TACC2: variants seen among roughly 807,000 people sequenced by gnomAD.
TACC2 encodes transforming acidic coiled-coil containing protein 2.
A neutral mutation model predicts 227.3 loss-of-function variants in TACC2; 137 were observed. That is an observed-to-expected ratio of 0.60 (90% CI 0.52 to 0.69). TACC2 has a LOEUF of 0.69. TACC2 is among the 30% of genes least tolerant of loss of function. The pLI is 0.00. For synonymous variants in TACC2, 1,523 were observed against 1,487.5 expected (o/e 1.02, Z -0.55); for missense variants, 3,470 against 3,694.4 (o/e 0.94, Z 1.57).
chr10:122,111,514 C>T (rs770480129), intron 5 of TACC2, among the ~76,000 whole-genome samples: 4 of 152,094 alleles, frequency 2.6e-5, no homozygotes, highest in East Asian at 1.9e-4. Flanking sequence ...TTGTTTGAGA[C>T]GGAGTCTCGC....
At chr10:122,022,984 C>T (rs187213060) in intron 2 of TACC2, 8 of 152,272 alleles carry the variant, frequency 5.3e-5, no homozygotes, top group African/African-American at 9.6e-5. Flanking sequence ...GTTCCTTGAA[C>T]GAGAAAACTG....
chr10:122,087,016 G>A lies in TACC2; in HGVS notation c.4516G>A (p.Glu1506Lys). The change falls in exon 4 of 23, where the codon GAG (glutamate) becomes AAG (lysine). Residue 1506 changes from glutamate (E) to lysine (K), a missense_variant. Glu to Lys is a moderately conservative substitution (Grantham distance 56, BLOSUM62 1). Transcript: ENST00000369005. The stretch of plus-strand genomic sequence containing the variant: ...TCTGGGTCCAGCAGGGCTGACCTGG[G>A]AGCGGAACTTGCCAGGTGCCGGTGT... ...KLLGPAGLTW[E>K]RNLPGAGVGK... 6.2e-7 allele frequency: 1 copy of A among 1,613,930 alleles called. No homozygotes were observed. Among genetic ancestry groups the A allele is most frequent in the East Asian group, 2.2e-5 (1 of 44,868 alleles).
At chr10:122,136,543 GTGTATATATA>G (rs1247256053) in intron 6 of TACC2, among the ~76,000 whole-genome samples, 2 of 143,272 alleles carry the variant, frequency 1.4e-5, no homozygotes, top group African/African-American at 2.6e-5. Context: ...TTGTGTGTGT[GTGTATATATA>G]TATATATATA....
intron 7 of TACC2, among the ~76,000 whole-genome samples, chr10:122,186,053 C>T (rs140587614): frequency 0.026 from 3,947 of 152,068 alleles, 172 homozygotes; most frequent in African/African-American, 0.091. Flanking sequence ...CTCAGCCTCC[C>T]GAGTAGCTGG....
At position 122,141,658 on chromosome 10, in the gene TACC2, G is replaced by A. The variant is rs1266231742; in HGVS notation, c.5700-1914G>A. On this transcript the variant is annotated intron_variant, in intron 6 of 22. Transcript: ENST00000369005. This position sits in a 1 kb window ranked among gnomAD's most constrained non-coding sequence, Gnocchi z 4.3. The stretch of plus-strand genomic sequence containing the variant: ...GCTGGCTTTGTTGTGATTAGCAGCG[G>A]GCCACAGATCTAAGGTAGCATCTCC... Among the ~76,000 whole-genome samples the A allele has an allele frequency of 6.6e-6, 1 of 152,086 alleles. No individual in the cohort carries two copies. Among genetic ancestry groups the A allele is most frequent in the East Asian group, 1.9e-4 (1 of 5,188 alleles).
intron 8 of TACC2, among the ~76,000 whole-genome samples, chr10:122,197,497 C>T (rs2094612361): frequency 6.6e-6 from 1 of 152,212 alleles, no homozygotes; most frequent in Non-Finnish European, 1.5e-5. Context: ...AGAGAACAAT[C>T]TCCATTCTTA....
At chr10:122,198,751 C>T (rs1286714219) in intron 8 of TACC2, among the ~76,000 whole-genome samples, 3 of 152,218 alleles carry the variant, frequency 2.0e-5, no homozygotes, top group Non-Finnish European at 2.9e-5. Context: ...CTGCTCTCTG[C>T]GCAGGTACAG....
intron 11 of TACC2, among the ~76,000 whole-genome samples, chr10:122,221,324 G>GA (rs1262241725): frequency 6.6e-6 from 1 of 152,194 alleles, no homozygotes; most frequent in East Asian, 1.9e-4. Context: ...CCTTGTGGAG[G>GA]AAAAGATTAG....
chr10:122,170,029 G>C (rs981277959), intron 7 of TACC2, among the ~76,000 whole-genome samples: 3 of 152,172 alleles, frequency 2.0e-5, no homozygotes, highest in African/African-American at 4.8e-5. Flanking sequence ...AGGATTACAG[G>C]CATGAGCCTC....
At chr10:122,104,971 T>C (rs1203400827) in intron 5 of TACC2, among the ~76,000 whole-genome samples, 2 of 152,212 alleles carry the variant, frequency 1.3e-5, no homozygotes, top group African/African-American at 2.4e-5. Flanking sequence ...ATCTCACTTT[T>C]TAACCCTAGT....
intron 6 of TACC2, among the ~76,000 whole-genome samples, chr10:122,133,860 T>C (rs2088927902): frequency 1.3e-5 from 2 of 152,132 alleles, no homozygotes; most frequent in South Asian, 4.2e-4. Flanking sequence ...TCACCTGTAA[T>C]CTCTGGAACC....
At chr10:122,114,175 A>G (rs7093714) in intron 5 of TACC2, among the ~76,000 whole-genome samples, 113,710 of 152,118 alleles carry the variant, frequency 0.75, 44,812 homozygotes, top group East Asian at 0.93. Context: ...GACGTGGGAC[A>G]TTGAGGATCC....
chr10:122,217,550 T>C (rs1432060654), intron 11 of TACC2, among the ~76,000 whole-genome samples: 2 of 149,240 alleles, frequency 1.3e-5, no homozygotes, highest in Non-Finnish European at 3.0e-5. Flanking sequence ...GCGATTCTCC[T>C]GCCTCAGCCT....
chr10:122,254,099 G>T lies in TACC2; in HGVS notation c.*43G>T. The T allele has an allele frequency of 6.5e-7, 1 of 1,532,912 alleles. No homozygotes were observed. 95.0% of individuals were successfully genotyped at this position (1,532,912 alleles called of 1,614,324 possible). A position where few individuals can be genotyped will look rare whatever the true frequency, so the allele number is the denominator to read the frequency against. ...TGGACTTAACTGTTGCGTGCAATAT[G>T]ACCGTCGGCACACTGCTGTTCCTCC... On this transcript the variant is annotated 3_prime_UTR_variant, in exon 23 of 23. Transcript: ENST00000369005.
intron 8 of TACC2, among the ~76,000 whole-genome samples, chr10:122,197,501 A>G (rs971724632): frequency 6.6e-6 from 1 of 152,198 alleles, no homozygotes; most frequent in African/African-American, 2.4e-5. Context: ...AACAATCTCC[A>G]TTCTTAAAAC....
chr10:122,154,510 A>G (rs11200439), intron 7 of TACC2, among the ~76,000 whole-genome samples: 4,169 of 152,296 alleles, frequency 0.027, 155 homozygotes, highest in East Asian at 0.18. Flanking sequence ...AAACCTTGTC[A>G]TGCCTGTGTC....
intron 5 of TACC2, among the ~76,000 whole-genome samples, chr10:122,108,425 T>C (rs1308552393): frequency 6.7e-6 from 1 of 149,710 alleles, no homozygotes; most frequent in Admixed American, 6.8e-5. Context: ...TATATATATA[T>C]GTGTATGTCA....
chr10:122,129,084 T>TATTATTATC lies in TACC2; in HGVS notation c.5574-3517_5574-3516insCATTATTAT, dbSNP rs1555055975. Among the ~76,000 whole-genome samples, 13 of 148,100 alleles carry TATTATTATC rather than the reference T, an allele frequency of 8.8e-5. 2 individuals carry two copies. Among genetic ancestry groups the TATTATTATC allele is most frequent in the African/African-American group, 2.7e-4 (11 of 40,624 alleles). On this transcript the variant is annotated intron_variant, in intron 5 of 22. Transcript: ENST00000369005. ...TAATTATTATTATTATTATTATTAT[T>TATTATTATC]ATTATTATTATTTGAGATGGAGTTT... is the stretch of plus-strand genomic sequence containing the variant.
intron 6 of TACC2, among the ~76,000 whole-genome samples, chr10:122,133,932 G>A (rs546477448): frequency 1.3e-5 from 2 of 152,212 alleles, no homozygotes; most frequent in East Asian, 1.9e-4. Flanking sequence ...AACCAGATGA[G>A]GGGGGGACAG....
Sources: gnomAD v4.1 joint callset for allele counts (sites outside exome capture counted in the v4.1 genomes callset) on GRCh38, gnomAD v4.1.1 for gene constraint, Gnocchi (gnomAD v3.1) non-coding constraint, MANE v1.5 for transcripts, NCBI Gene and HGNC (gene_info 2026-07-23, HGNC 2026-07-21) for gene names.